Variants in ASTN2 observed in about 807,000 individuals in gnomAD.
ASTN2 encodes astrotactin-2.
Under a neutral mutation model 139.8 loss-of-function variants are expected in ASTN2, and 54 were observed. The observed-to-expected ratio is 0.39, with a 90% CI of 0.31 to 0.48. The LOEUF (loss-of-function observed/expected upper bound fraction) is 0.48. Among genes scored for constraint, ASTN2 ranks in the 20% least tolerant of loss-of-function variants. ASTN2 has a pLI of 0.95. For missense variants in ASTN2, 1,565 were observed against 1,725.1 expected (o/e 0.91, Z 1.64); for synonymous variants, 756 against 719.5 (o/e 1.05, Z -0.81).
intron 16 of ASTN2, among the ~76,000 whole-genome samples, chr9:116,689,318 G>T (rs1860444851): frequency 6.6e-6 from 1 of 152,196 alleles, no homozygotes. Context: ...ATGGGGTTAT[G>T]ATAACAAGAC....
chr9:117,078,901 A>G (rs978610535), intron 5 of ASTN2, among the ~76,000 whole-genome samples: 1 of 151,886 alleles, frequency 6.6e-6, no homozygotes, highest in Non-Finnish European at 1.5e-5. Context: ...ATGCCCTGCT[A>G]ATTTTTGTAT....
chr9:116,534,046 A>G (rs1195377713), intron 19 of ASTN2, among the ~76,000 whole-genome samples: 1 of 152,076 alleles, frequency 6.6e-6, no homozygotes, highest in Non-Finnish European at 1.5e-5. Context: ...AGAGCCTGTT[A>G]TTGGTCTATT....
At chr9:116,738,111 G>C (rs890497113) in intron 13 of ASTN2, among the ~76,000 whole-genome samples, 108 of 150,896 alleles carry the variant, frequency 7.2e-4, no homozygotes, top group African/African-American at 2.5e-3. Context: ...AGAATGGCGT[G>C]AACCCGGGAG....
At chr9:116,978,546 G>A (rs1375603466) in intron 7 of ASTN2, among the ~76,000 whole-genome samples, 1 of 149,278 alleles carries the variant, frequency 6.7e-6, no homozygotes, top group East Asian at 2.0e-4. Flanking sequence ...TGTCACCCTT[G>A]GATCCTACAG....
intron 11 of ASTN2, among the ~76,000 whole-genome samples, chr9:116,830,424 A>G (rs923485534): frequency 2.0e-5 from 3 of 151,994 alleles, no homozygotes; most frequent in Admixed American, 1.3e-4. Context: ...GTTTTTTTTT[A>G]AAGAACTAAA....
At chr9:116,859,770 G>A (rs1832830331) in intron 11 of ASTN2, among the ~76,000 whole-genome samples, 2 of 152,210 alleles carry the variant, frequency 1.3e-5, no homozygotes, top group African/African-American at 2.4e-5. Flanking sequence ...GGTTCTGGGC[G>A]TCACTTGCTA....
chr9:116,661,367 TAAA>T (rs1215204145), intron 16 of ASTN2, among the ~76,000 whole-genome samples: 2 of 152,128 alleles, frequency 1.3e-5, no homozygotes, highest in Non-Finnish European at 2.9e-5. Context: ...AGGGAAACAG[TAAA>T]AGCTAGCTAT....
chr9:116,840,424 A>T (rs1306071549), intron 11 of ASTN2, among the ~76,000 whole-genome samples: 1 of 149,462 alleles, frequency 6.7e-6, no homozygotes. Flanking sequence ...GGCCAGGCAG[A>T]GGGGCTCCTC....
chr9:116,882,106 T>C (rs1246208520), intron 10 of ASTN2, among the ~76,000 whole-genome samples: 1 of 152,178 alleles, frequency 6.6e-6, no homozygotes, highest in East Asian at 1.9e-4. Flanking sequence ...TCACTCCATT[T>C]ATTATTACAA....
At chr9:117,009,817 G>T (rs1372500233) in intron 6 of ASTN2, among the ~76,000 whole-genome samples, 1 of 152,172 alleles carries the variant, frequency 6.6e-6, no homozygotes, top group Non-Finnish European at 1.5e-5. Context: ...GCTGACCTAT[G>T]GTTGGACTCC....
chr9:116,605,864 A>G (rs1018902390), intron 19 of ASTN2, among the ~76,000 whole-genome samples: 6 of 152,174 alleles, frequency 3.9e-5, no homozygotes, highest in African/African-American at 1.2e-4. Flanking sequence ...CTTTGAATGT[A>G]GTGGATGAGG....
intron 10 of ASTN2, among the ~76,000 whole-genome samples, chr9:116,919,129 G>A (rs1316922053): frequency 6.6e-6 from 1 of 152,174 alleles, no homozygotes; most frequent in Admixed American, 6.5e-5. Flanking sequence ...ATGGCACAGA[G>A]CCTGGCATGA....
At chr9:117,243,320 A>C (rs1263458105) in intron 2 of ASTN2, among the ~76,000 whole-genome samples, 1 of 152,246 alleles carries the variant, frequency 6.6e-6, no homozygotes, top group Non-Finnish European at 1.5e-5. Context: ...AGACTGAATT[A>C]GACTTATTTT....
chr9:117,338,406 T>A (rs1273268694), intron 1 of ASTN2, among the ~76,000 whole-genome samples: 2 of 152,130 alleles, frequency 1.3e-5, no homozygotes, highest in African/African-American at 4.8e-5. Flanking sequence ...ATCCTACAGA[T>A]CCTATCCATT....
intron 16 of ASTN2, chr9:116,687,226 A>C (rs1264230299): frequency 1.0e-6 from 1 of 1,004,482 alleles, no homozygotes; most frequent in South Asian, 4.3e-5. Context: ...GGCCAGCTGC[A>C]CGACAAGCCC....
At chr9:117,331,848 T>C (rs1466823372) in intron 1 of ASTN2, among the ~76,000 whole-genome samples, 1 of 152,152 alleles carries the variant, frequency 6.6e-6, no homozygotes, top group Admixed American at 6.5e-5. Flanking sequence ...CCTTTTAAAA[T>C]TGGAATGCAG....
chr9:117,062,900 T>G (rs1190062338), intron 5 of ASTN2, among the ~76,000 whole-genome samples: 1 of 152,202 alleles, frequency 6.6e-6, no homozygotes, highest in Non-Finnish European at 1.5e-5. Flanking sequence ...GCAGGAAGAC[T>G]AAGGATACAG....
At chr9:117,313,658 G>C (rs1305466762) in intron 1 of ASTN2, among the ~76,000 whole-genome samples, 3 of 152,068 alleles carry the variant, frequency 2.0e-5, no homozygotes, top group African/African-American at 7.2e-5. Flanking sequence ...ATAAATGGGG[G>C]CCAAAGTCAC....
intron 13 of ASTN2, among the ~76,000 whole-genome samples, chr9:116,735,683 C>G (rs1294724161): frequency 6.6e-6 from 1 of 152,216 alleles, no homozygotes; most frequent in Admixed American, 6.5e-5. Context: ...GTGCTGGGTG[C>G]TGCTGCACAA....
Sources: allele counts gnomAD v4.1 joint callset (sites outside exome capture counted in the v4.1 genomes callset), GRCh38; gene constraint gnomAD v4.1.1; transcripts MANE v1.5; gene names NCBI Gene and HGNC (gene_info 2026-07-23, HGNC 2026-07-21).